SLC48A1: variants seen among roughly 807,000 people sequenced by gnomAD.
SLC48A1 encodes heme transporter HRG1.
In SLC48A1, 6 loss-of-function variants were observed where a neutral mutation model predicts 14.8. That is an observed-to-expected ratio of 0.41 (90% CI 0.22 to 0.80). The LOEUF (loss-of-function observed/expected upper bound fraction) is 0.80. SLC48A1 is among the 30% of genes least tolerant of loss of function. The pLI is 0.34. For synonymous variants in SLC48A1, 89 were observed against 90.0 expected, an observed-to-expected ratio of 0.99 and a Z score of 0.06; for missense variants, 165 against 204.8, an observed-to-expected ratio of 0.81 and a Z score of 1.19.
chr12:47,758,009 G>T (rs772984385), upstream of SLC48A1: 2 of 1,574,938 alleles, frequency 1.3e-6, no homozygotes, highest in East Asian at 2.3e-5. Flanking sequence ...CCCACCCGCG[G>T]TGCTCCCAGA....
At chr12:47,759,743 G>C (rs1009431915) in intron 1 of SLC48A1, among the ~76,000 whole-genome samples, 1 of 152,204 alleles carries the variant, frequency 6.6e-6, no homozygotes, top group Non-Finnish European at 1.5e-5. Context: ...ACAGTGGCCG[G>C]GGACAGCGAC....
Position 47,779,153 on chromosome 12 carries a change from G to A in SLC48A1, c.262G>A (p.Ala88Thr). 1 of 1,551,870 alleles carries A rather than the reference G, an allele frequency of 6.4e-7. No individual in the cohort carries two copies. The highest frequency in any genetic ancestry group is 1.2e-5 in the South Asian group (1 of 84,060). Residue 88 changes from alanine (A) to threonine (T), a missense_variant, in exon 2 of 3, where the codon GCC (alanine) becomes ACC (threonine). Transcript: ENST00000442218. ...CCTCTTCTCGGCCGTCTCCATCGCT[G>A]CCTTCTGCACCTTCCTCGTGCTGGC... Reference protein sequence around the residue: ...GVLFSAVSIAAFCTFLVLAIT... With the variant: ...GVLFSAVSIATFCTFLVLAIT...
chr12:47,771,412 G>T (rs1207355663), upstream of SLC48A1, among the ~76,000 whole-genome samples: 4 of 151,674 alleles, frequency 2.6e-5, no homozygotes, highest in African/African-American at 9.7e-5. Flanking sequence ...TCCAGAGGGG[G>T]TGTGGTGGGT....
rs952230652 is a variant in SLC48A1, at chr12:47,758,957, G to A, written c.-373+297G>A. On this transcript the variant is annotated intron_variant, in intron 1 of 4. Coordinates refer to the SLC48A1 transcript ENST00000547002. ...CCCCTCCCCAGGACTGGCGGAGGGG[G>A]CGGGGTGGAGGCGCCCTGCCTTACG... is the stretch of plus-strand genomic sequence containing the variant. 49 of 1,014,256 alleles carry A rather than the reference G, an allele frequency of 4.8e-5. No homozygotes were observed. In the African/African-American group the frequency reaches 8.2e-4, roughly 17 times the overall value. 62.8% of individuals were successfully genotyped at this position (1,014,256 alleles called of 1,614,324 possible).
upstream of SLC48A1, among the ~76,000 whole-genome samples, chr12:47,757,655 G>A (rs1038927002): frequency 5.9e-5 from 9 of 152,058 alleles, no homozygotes; most frequent in Non-Finnish European, 1.2e-4. Flanking sequence ...AGACATTTGG[G>A]CAGAACACAC....
At chr12:47,758,198 G>A, upstream of SLC48A1, 1 of 1,441,430 alleles carries the variant, frequency 6.9e-7, no homozygotes, top group Non-Finnish European at 9.1e-7. Flanking sequence ...AGGCGGAGGT[G>A]CTGCAACCCT....
chr12:47,777,984 T>A lies in SLC48A1; in HGVS notation c.137-1044T>A, dbSNP rs1592609246. On this transcript the variant is annotated intron_variant, in intron 1 of 2. Coordinates refer to ENST00000442218, the MANE Select transcript of SLC48A1 (RefSeq NM_017842.3). This position sits in a 1 kb window ranked among gnomAD's most constrained non-coding sequence, Gnocchi z 4.5. The stretch of plus-strand genomic sequence containing the variant: ...CCTTTTGGAAAGGCCTCCTGACTCC[T>A]AGGATGCAGCGGCCTGAGTGGCCCA... Among the ~76,000 whole-genome samples the A allele has an allele frequency of 6.6e-6, 1 of 152,196 alleles. No individual in the cohort carries two copies. The highest frequency in any genetic ancestry group is 2.4e-5 in the African/African-American group (1 of 41,448).
chr12:47,780,201 A>G lies in SLC48A1; in HGVS notation c.361A>G (p.Lys121Glu). The change falls in exon 3 of 3, where the codon AAG becomes GAG. Residue 121 changes from lysine (K) to glutamate (E), a missense_variant. Transcript: ENST00000442218. Reference protein sequence around the residue: ...LSSVWSFISFKWAFLLSLYAH... With the variant: ...LSSVWSFISFEWAFLLSLYAH... ...CAGCGTCTGGAGCTTCATTTCCTTC[A>G]AGTGGGCCTTCCTGCTCAGCCTCTA... is the stretch of plus-strand genomic sequence containing the variant. 1.9e-6 allele frequency: 3 copies of G among 1,613,994 alleles called. No homozygotes were observed. Among genetic ancestry groups the G allele is most frequent in the Non-Finnish European group, 2.5e-6 (3 of 1,179,916 alleles).
intron 2 of SLC48A1, among the ~76,000 whole-genome samples, chr12:47,766,014 G>A (rs1942508475): frequency 6.6e-6 from 1 of 152,008 alleles, no homozygotes; most frequent in South Asian, 2.1e-4. Flanking sequence ...TCCATCTCTT[G>A]TCCAACCCTT....
chr12:47,774,202 CTTG>C (rs1417101027), intron 1 of SLC48A1, among the ~76,000 whole-genome samples: 7 of 152,344 alleles, frequency 4.6e-5, no homozygotes, highest in African/African-American at 1.7e-4. Flanking sequence ...ACCAGTGCTC[CTTG>C]TTGTGCACAT....
At chr12:47,771,055 C>T (rs1354006839), upstream of SLC48A1, 1 of 396,194 alleles carries the variant, frequency 2.5e-6, no homozygotes, top group Admixed American at 2.9e-5. Context: ...TGCTGCTGAG[C>T]TCACAGCCTT....
At chr12:47,757,839 G>T, upstream of SLC48A1, 2 of 1,537,398 alleles carry the variant, frequency 1.3e-6, no homozygotes, top group Non-Finnish European at 8.8e-7. Context: ...ACTGGCCCTG[G>T]CACCTGGGCA....
At chr12:47,775,231 GCCT>G (rs558144072) in intron 1 of SLC48A1, among the ~76,000 whole-genome samples, 19 of 152,286 alleles carry the variant, frequency 1.2e-4, no homozygotes, top group Admixed American at 4.6e-4. Context: ...TGTGGAAAAG[GCCT>G]TCTTTCTTAT....
chr12:47,757,976 C>T, upstream of SLC48A1: 1 of 1,566,478 alleles, frequency 6.4e-7, no homozygotes, highest in Non-Finnish European at 8.7e-7. Flanking sequence ...AGTGTCCCCT[C>T]CGGCACCACG....
upstream of SLC48A1, chr12:47,758,265 C>T (rs1337328318): frequency 2.8e-6 from 4 of 1,431,682 alleles, no homozygotes; most frequent in African/African-American, 5.7e-5. Context: ...CGGTCTGGCG[C>T]ACTTAGGGGT....
At chr12:47,780,037 G>T (rs1050513386) in intron 2 of SLC48A1, 108 bp from the exon 3 acceptor site, 1 of 1,351,084 alleles carries the variant, frequency 7.4e-7, no homozygotes, top group African/African-American at 1.5e-5. Flanking sequence ...TCAGCTGCCA[G>T]GACGTTGCAG....
intron 1 of SLC48A1, among the ~76,000 whole-genome samples, chr12:47,776,518 G>A (rs1013845660): frequency 6.6e-6 from 1 of 152,234 alleles, no homozygotes; most frequent in African/African-American, 2.4e-5. Flanking sequence ...CTTGGGTAGG[G>A]CTGGTGGAGA....
upstream of SLC48A1, chr12:47,772,210 G>A (rs1942641768): frequency 6.5e-6 from 1 of 154,816 alleles, no homozygotes; most frequent in African/African-American, 2.4e-5. Context: ...TAGTGCTGTG[G>A]CAGAGCCCTT....
At chr12:47,768,452 G>A (rs1486864533), upstream of SLC48A1, 1 of 152,356 alleles carries the variant, frequency 6.6e-6, no homozygotes, top group African/African-American at 2.4e-5. Flanking sequence ...AAATCCAACT[G>A]TATTTTGTAA....
Sources: gnomAD v4.1 joint callset for allele counts (sites outside exome capture counted in the v4.1 genomes callset) on GRCh38, gnomAD v4.1.1 for gene constraint, Gnocchi (gnomAD v3.1) non-coding constraint, MANE v1.5 for transcripts, NCBI Gene and HGNC (gene_info 2026-07-23, HGNC 2026-07-21) for gene names.